Variants in PBRM1 observed in about 807,000 individuals in gnomAD.
The protein encoded by PBRM1 is protein polybromo-1.
PBRM1 carries 27 observed loss-of-function variants against 194.5 expected under a neutral mutation model. That is an observed-to-expected ratio of 0.14 (90% CI 0.10 to 0.19). PBRM1 has a LOEUF of 0.19. PBRM1 is among the 10% of genes least tolerant of loss of function. The probability of loss-of-function intolerance (pLI) is 1.00; values close to 1 mark genes in which losing one functional copy is unlikely to be tolerated. For synonymous variants in PBRM1, 655 were observed against 693.2 expected (o/e 0.94, Z 0.87); for missense variants, 1,466 against 2,077.2 (o/e 0.71, Z 5.72).
chr3:52,647,488 A>G, intron 7 of PBRM1, among the ~76,000 whole-genome samples: 1 of 121,874 alleles, frequency 8.2e-6, no homozygotes, highest in African/African-American at 3.0e-5. Context: ...ATATATATAT[A>G]TGTAGTATTT....
chr3:52,578,072 C>T (rs1171004858), intron 21 of PBRM1, among the ~76,000 whole-genome samples: 2 of 152,136 alleles, frequency 1.3e-5, no homozygotes, highest in Non-Finnish European at 2.9e-5. Flanking sequence ...GTTCCCACTG[C>T]CTGGAATCCT....
chr3:52,639,734 A>ATTT (rs59775901), intron 10 of PBRM1, among the ~76,000 whole-genome samples: 1 of 141,234 alleles, frequency 7.1e-6, no homozygotes. Context: ...TGCCTTAAAA[A>ATTT]TTTTTTTTTT....
At chr3:52,657,533 G>A (rs576646944) in intron 5 of PBRM1, among the ~76,000 whole-genome samples, 61 of 150,920 alleles carry the variant, frequency 4.0e-4, no homozygotes, top group African/African-American at 1.5e-3. Flanking sequence ...GCAACGGCAT[G>A]ATGTCAGCTC....
intron 2 of PBRM1, among the ~76,000 whole-genome samples, chr3:52,674,934 C>G (rs2097062304): frequency 6.6e-6 from 1 of 151,646 alleles, no homozygotes; most frequent in African/African-American, 2.4e-5. Context: ...CCACTGCACT[C>G]CAGCCTGGGT....
intron 25 of PBRM1, among the ~76,000 whole-genome samples, chr3:52,559,568 A>G (rs1001812074): frequency 6.6e-6 from 1 of 152,142 alleles, no homozygotes; most frequent in East Asian, 1.9e-4. Context: ...ATCACACTCC[A>G]ACTGCCACAC....
intron 10 of PBRM1, among the ~76,000 whole-genome samples, chr3:52,640,804 A>AT (rs911469423): frequency 7.2e-4 from 109 of 151,190 alleles, no homozygotes; most frequent in African/African-American, 2.5e-3. Flanking sequence ...TACCTGGCCA[A>AT]TTTTTTGTAT....
chr3:52,585,187 TTTTTTG>T (rs1236779593), intron 20 of PBRM1, among the ~76,000 whole-genome samples: 4 of 152,182 alleles, frequency 2.6e-5, no homozygotes, highest in Admixed American at 6.5e-5. Context: ...TGAGTTGCAG[TTTTTTG>T]TTTTTATTTT....
At chr3:52,627,970 T>C (rs1454864405) in intron 12 of PBRM1, among the ~76,000 whole-genome samples, 5 of 152,206 alleles carry the variant, frequency 3.3e-5, no homozygotes, top group Non-Finnish European at 7.3e-5. Flanking sequence ...TGTTGCTTCA[T>C]TGTTCAGAGA....
At chr3:52,602,993 A>G (rs1441536355) in intron 17 of PBRM1, among the ~76,000 whole-genome samples, 2 of 152,244 alleles carry the variant, frequency 1.3e-5, no homozygotes, top group African/African-American at 2.4e-5. Flanking sequence ...ATTTGTAATC[A>G]TAAGGTCCTG....
At chr3:52,655,234 C>T (rs1447359604) in intron 5 of PBRM1, among the ~76,000 whole-genome samples, 1 of 152,068 alleles carries the variant, frequency 6.6e-6, no homozygotes, top group Non-Finnish European at 1.5e-5. Flanking sequence ...TTAAACAACT[C>T]CCCATTCCCT....
At chr3:52,562,043 C>T (rs573404733) in intron 24 of PBRM1, 75 bp from the exon 27 acceptor site, 19 of 1,198,254 alleles carry the variant, frequency 1.6e-5, no homozygotes, top group Non-Finnish European at 2.2e-5. Flanking sequence ...AGAAGCCAGC[C>T]GGGCGCGGTG....
chr3:52,615,686 T>C lies in PBRM1; in HGVS notation c.1819-230A>G, dbSNP rs186124185. Among the ~76,000 whole-genome samples, 493 of 152,286 alleles carry C rather than the reference T, an allele frequency of 3.2e-3. 2 individuals carry two copies. The highest frequency in any genetic ancestry group is 7.0e-3 in the South Asian group (34 of 4,830). ...TGATTCTAATGCACAGACATGCATG[T>C]TAATGTTTGAGAACCACTGTAGTAG... On this transcript the variant is annotated intron_variant, in intron 14 of 29. Coordinates refer to ENST00000296302, the Ensembl canonical transcript of PBRM1.
chr3:52,585,992 G>C (rs1032641466), intron 20 of PBRM1: 6 of 153,498 alleles, frequency 3.9e-5, no homozygotes, highest in African/African-American at 1.2e-4. Flanking sequence ...CTGGAGTAGA[G>C]TGGCGTGGTC....
chr3:52,682,874 A>C (rs1276215995), upstream of PBRM1, among the ~76,000 whole-genome samples: 2 of 152,160 alleles, frequency 1.3e-5, no homozygotes, highest in Non-Finnish European at 2.9e-5. Flanking sequence ...AGACTGGCCA[A>C]CGTGGTGAAA....
chr3:52,589,397 G>T, intron 17 of PBRM1, 142 bp from the exon 20 acceptor site: 1 of 492,228 alleles, frequency 2.0e-6, no homozygotes, highest in Admixed American at 3.8e-5. Context: ...GCAGGAATCA[G>T]CAATAGTATG....
rs142097913 is a variant in PBRM1 at position 52,609,718 on chromosome 3, A to G, written c.2162T>C (p.Ile721Thr). Residue 721 changes from isoleucine (I) to threonine (T), a missense_variant, in exon 16 of 30, where the codon ATT becomes ACT. By Grantham distance (89) the Ile-to-Thr change is moderately conservative (BLOSUM62 -1). This residue lies in a region of PBRM1 where 687 missense variants were observed against 946.2 expected (regional missense o/e 0.73). Coordinates refer to ENST00000296302, the Ensembl canonical transcript of PBRM1. This position sits in a 1 kb window ranked among gnomAD's most constrained non-coding sequence, Gnocchi z 4.1. ...GACAAAGTCCTCAACCATAGAGTCA[A>G]TATCTTGGTACTTGTTGGCCATCAT... 22 of 1,611,946 alleles carry G rather than the reference A, an allele frequency of 1.4e-5. No homozygotes were observed. The highest frequency in any genetic ancestry group is 1.7e-4 in the Middle Eastern group (1 of 6,044).
chr3:52,558,167 T>C lies in PBRM1; in HGVS notation c.4453+82A>G, dbSNP rs1575571065. ...TCTGTCATGAGAAAAGGCAATAGAC[T>C]GTGGCCTACTCCTTATTGGAGAAAA... On this transcript the variant is annotated intron_variant, in intron 26 of 29. Coordinates refer to ENST00000296302, the Ensembl canonical transcript of PBRM1. 13 of 970,364 alleles carry C rather than the reference T, an allele frequency of 1.3e-5. No individual in the cohort carries two copies. In the East Asian group the frequency reaches 3.2e-4, roughly 24 times the overall value. 60.1% of individuals were successfully genotyped at this position (970,364 alleles called of 1,614,324 possible).
intron 17 of PBRM1, among the ~76,000 whole-genome samples, chr3:52,594,093 G>C (rs1198919712): frequency 6.6e-6 from 1 of 152,154 alleles, no homozygotes. Context: ...TGTTACCCAG[G>C]CTGCTCTTGA....
upstream of PBRM1, chr3:52,679,722 T>C (rs1364332392): frequency 6.2e-7 from 1 of 1,611,852 alleles, no homozygotes; most frequent in East Asian, 2.2e-5. Context: ...GGAATCCAAC[T>C]TCTTCTATAA....
Sources: gnomAD v4.1 joint callset for allele counts (sites outside exome capture counted in the v4.1 genomes callset) on GRCh38, gnomAD v4.1.1 for gene constraint, gnomAD v4.1.1 regional missense constraint, Gnocchi (gnomAD v3.1) non-coding constraint, MANE v1.5 for transcripts, NCBI Gene and HGNC (gene_info 2026-07-23, HGNC 2026-07-21) for gene names.